The following ACOXL variants were observed in gnomAD, a reference collection of about 807,000 sequenced individuals.
ACOXL encodes acyl-CoA oxidase like.
In ACOXL, 70 loss-of-function variants were observed where a neutral mutation model predicts 71.9. That is an observed-to-expected ratio of 0.97 (90% confidence interval 0.80 to 1.19). The LOEUF (loss-of-function observed/expected upper bound fraction) is 1.19, where lower values mean the gene tolerates loss of function less well. Ranked by LOEUF, ACOXL falls within the 50% of genes most tolerant of loss-of-function variation. ACOXL has a pLI of 0.00. For missense variants in ACOXL, 703 were observed against 736.3 expected (o/e 0.95, Z 0.52); for synonymous variants, 253 against 281.6 (o/e 0.90, Z 1.02).
intron 2 of ACOXL, among the ~76,000 whole-genome samples, chr2:110,773,320 TGCCGGGG>T (rs1682199311): frequency 6.6e-6 from 1 of 152,200 alleles, no homozygotes; most frequent in Non-Finnish European, 1.5e-5. Context: ...TGTTTGGGAA[TGCCGGGG>T]AGGGTGGTTA....
chr2:111,053,325 C>T (rs2066388599), intron 16 of ACOXL, among the ~76,000 whole-genome samples: 1 of 152,196 alleles, frequency 6.6e-6, no homozygotes, highest in African/African-American at 2.4e-5. Flanking sequence ...CTAACTCCTT[C>T]TCATCTTTGG....
intron 10 of ACOXL, among the ~76,000 whole-genome samples, chr2:110,870,533 A>G (rs1385794374): frequency 6.6e-6 from 1 of 152,164 alleles, no homozygotes; most frequent in Non-Finnish European, 1.5e-5. Flanking sequence ...AGTTTAAATA[A>G]CATCAGCCCA....
At position 111,108,575 on chromosome 2, in the gene ACOXL, C is replaced by T. The variant is rs188030842; in HGVS notation, c.1543-9041C>T. ...TGTATTTTTAGTAGAGACAGGGTTT[C>T]TCCATATTGGTCAGGCTGGTCTCGT... On this transcript the variant is annotated intron_variant, in intron 17 of 17. Coordinates refer to ENST00000439055, the MANE Select transcript of ACOXL (RefSeq NM_001142807.4). Among the ~76,000 whole-genome samples, 760 of 152,206 alleles carry T rather than the reference C, an allele frequency of 5.0e-3. 7 individuals carry two copies. The highest frequency in any genetic ancestry group is 0.017 in the African/African-American group (696 of 41,528).
intron 9 of ACOXL, among the ~76,000 whole-genome samples, chr2:110,815,234 C>T (rs766676875): frequency 6.6e-5 from 10 of 152,166 alleles, no homozygotes; most frequent in East Asian, 1.9e-4. Context: ...AAACTGCCCC[C>T]GTGATTCAAT....
intron 16 of ACOXL, among the ~76,000 whole-genome samples, chr2:111,077,661 C>G (rs1249516447): frequency 6.6e-6 from 1 of 152,138 alleles, no homozygotes; most frequent in Non-Finnish European, 1.5e-5. Flanking sequence ...TTTTTTAAAT[C>G]TCATCCTAAT....
Position 111,057,324 on chromosome 2 carries a change from C to T in ACOXL, c.1440+8036C>T, listed in dbSNP as rs2066593332. Among the ~76,000 whole-genome samples the T allele has an allele frequency of 3.3e-5, 5 of 152,156 alleles. No individual in the cohort carries two copies. In the South Asian group the frequency reaches 8.3e-4, roughly 25 times the overall value. On this transcript the variant is annotated intron_variant, in intron 16 of 17. Transcript: ENST00000439055. ...AATAGGGGCCCCAGACAGCTGCCTT[C>T]CCAGGGGAGGGGTATCCAGAAACTT...
At chr2:111,027,571 C>T (rs767932897) in intron 14 of ACOXL, among the ~76,000 whole-genome samples, 3 of 152,222 alleles carry the variant, frequency 2.0e-5, no homozygotes, top group East Asian at 3.9e-4. Context: ...CTGCCCACCT[C>T]AGCCTCCCAA....
At chr2:111,013,925 G>C (rs2064303015) in intron 14 of ACOXL, among the ~76,000 whole-genome samples, 1 of 152,172 alleles carries the variant, frequency 6.6e-6, no homozygotes, top group African/African-American at 2.4e-5. Context: ...AGAATGCGAG[G>C]TTGGTTTAAT....
At chr2:110,883,116 T>TTTA (rs1184159169) in intron 10 of ACOXL, among the ~76,000 whole-genome samples, 1 of 147,114 alleles carries the variant, frequency 6.8e-6, no homozygotes, top group East Asian at 2.0e-4. Flanking sequence ...GGTTTTTTTT[T>TTTA]TTTTTTTTTT....
chr2:110,982,332 C>T (rs1386237588), intron 12 of ACOXL, among the ~76,000 whole-genome samples: 2 of 152,038 alleles, frequency 1.3e-5, no homozygotes, highest in Admixed American at 6.6e-5. Context: ...GTAGTCCTTC[C>T]GCTTCCCTTT....
chr2:111,046,581 G>A (rs535088227), intron 15 of ACOXL, among the ~76,000 whole-genome samples: 9 of 152,266 alleles, frequency 5.9e-5, no homozygotes, highest in African/African-American at 1.9e-4. Flanking sequence ...CCGAGCAAAA[G>A]GGGGAAATGC....
intron 16 of ACOXL, among the ~76,000 whole-genome samples, chr2:111,087,075 A>G (rs1489300687): frequency 6.6e-6 from 1 of 152,174 alleles, no homozygotes; most frequent in East Asian, 1.9e-4. Context: ...AGAAGAAAAT[A>G]CCTAGAAATA....
chr2:110,771,841 G>A (rs886978107), intron 2 of ACOXL, among the ~76,000 whole-genome samples: 5 of 152,208 alleles, frequency 3.3e-5, no homozygotes, highest in African/African-American at 7.2e-5. Context: ...GTCACCAACT[G>A]CCTCTATTTC....
In ACOXL at chr2:110,809,576, G is replaced by T. The variant is rs556133061; in HGVS notation, c.753+4181G>T. ...CTGGCTTCAGGGGATTCTCAGAACC[G>T]GCGATAGACACACAATCTTTTCCTA... On this transcript the variant is annotated intron_variant, in intron 9 of 17. Transcript: ENST00000439055. 2.6e-5 allele frequency among the ~76,000 whole-genome samples: 4 copies of T among 152,212 alleles called. No homozygotes were observed. In the East Asian group the frequency reaches 7.7e-4, roughly 29 times the overall value.
At chr2:111,035,087 C>T (rs1000323261) in intron 15 of ACOXL, among the ~76,000 whole-genome samples, 1 of 152,066 alleles carries the variant, frequency 6.6e-6, no homozygotes, top group Non-Finnish European at 1.5e-5. Context: ...AGGGTGGTCT[C>T]AATCTCCTGA....
At chr2:110,765,528 A>G (rs1309982161) in intron 1 of ACOXL, among the ~76,000 whole-genome samples, 2 of 152,164 alleles carry the variant, frequency 1.3e-5, no homozygotes, top group African/African-American at 4.8e-5. Context: ...TTTGTGTTCT[A>G]GTCTAAAATA....
At chr2:110,884,551 A>T (rs1228382294) in intron 10 of ACOXL, among the ~76,000 whole-genome samples, 2 of 152,242 alleles carry the variant, frequency 1.3e-5, no homozygotes, top group African/African-American at 4.8e-5. Context: ...TAAGTGAAAA[A>T]AACTGAGCTA....
chr2:110,818,887 C>A (rs1320297570), intron 9 of ACOXL, among the ~76,000 whole-genome samples: 1 of 64,972 alleles, frequency 1.5e-5, no homozygotes, highest in Non-Finnish European at 5.0e-5. Flanking sequence ...GACCTGGCTG[C>A]GATGCTGAAG....
intron 9 of ACOXL, among the ~76,000 whole-genome samples, chr2:110,826,994 C>T (rs995857109): frequency 1.3e-5 from 2 of 152,106 alleles, no homozygotes; most frequent in African/African-American, 4.8e-5. Flanking sequence ...TGGGCTTTGG[C>T]GATGGCTGTT....
Sources: allele counts gnomAD v4.1 joint callset (sites outside exome capture counted in the v4.1 genomes callset), GRCh38; gene constraint gnomAD v4.1.1; transcripts MANE v1.5; gene names NCBI Gene and HGNC (gene_info 2026-07-23, HGNC 2026-07-21).